Variants in MYO3B observed in about 807,000 individuals in gnomAD.
MYO3B encodes the protein myosin-IIIb.
In MYO3B, 156 loss-of-function variants were observed where a neutral mutation model predicts 174.6. The observed-to-expected ratio is 0.89, with a 90% CI of 0.78 to 1.02. MYO3B has a LOEUF of 1.02. Among genes scored for constraint, MYO3B ranks in the 50% least tolerant of loss-of-function variants. The probability of loss-of-function intolerance (pLI) is 0.00; values close to 1 mark genes in which losing one functional copy is unlikely to be tolerated. For synonymous variants in MYO3B, 563 were observed against 569.1 expected (o/e 0.99, Z 0.15); for missense variants, 1,632 against 1,639.4 (o/e 1.00, Z 0.08).
intron 7 of MYO3B, among the ~76,000 whole-genome samples, chr2:170,238,989 AC>A (rs1196031214): frequency 6.6e-6 from 1 of 152,208 alleles, no homozygotes; most frequent in Non-Finnish European, 1.5e-5. Flanking sequence ...CACAGAAATT[AC>A]CTGCTGATTG....
intron 32 of MYO3B, among the ~76,000 whole-genome samples, chr2:170,607,362 G>A (rs1487729747): frequency 6.6e-6 from 1 of 152,190 alleles, no homozygotes; most frequent in African/African-American, 2.4e-5. Flanking sequence ...ATACTACATG[G>A]GTCAGCTGCG....
At chr2:170,217,966 G>A (rs527905992) in intron 6 of MYO3B, among the ~76,000 whole-genome samples, 23 of 152,340 alleles carry the variant, frequency 1.5e-4, no homozygotes, top group African/African-American at 5.1e-4. Flanking sequence ...AGCTAGATGA[G>A]TCTTGCTCTG....
intron 32 of MYO3B, among the ~76,000 whole-genome samples, chr2:170,620,955 C>G (rs1306901293): frequency 1.3e-5 from 2 of 152,056 alleles, no homozygotes; most frequent in African/African-American, 4.8e-5. Context: ...GTGGCGGGAT[C>G]TCGGCTCACT....
At chr2:170,279,489 G>A (rs180782748) in intron 7 of MYO3B, among the ~76,000 whole-genome samples, 1 of 151,942 alleles carries the variant, frequency 6.6e-6, no homozygotes, top group East Asian at 1.9e-4. Flanking sequence ...TAGGTTCAGG[G>A]GTACATGTGA....
intron 32 of MYO3B, among the ~76,000 whole-genome samples, chr2:170,616,402 C>G (rs934961327): frequency 6.6e-6 from 1 of 152,192 alleles, no homozygotes; most frequent in Non-Finnish European, 1.5e-5. Context: ...TTCATAGGCT[C>G]TCTGCAGGGG....
chr2:170,200,018 T>A, intron 2 of MYO3B, 132 bp from the exon 3 acceptor site: 1 of 726,998 alleles, frequency 1.4e-6, no homozygotes, highest in South Asian at 2.5e-5. Flanking sequence ...TGTTAGATAT[T>A]TTGAAGGTAT....
At chr2:170,353,917 G>C (rs1169524759) in intron 8 of MYO3B, among the ~76,000 whole-genome samples, 3 of 152,142 alleles carry the variant, frequency 2.0e-5, no homozygotes, top group African/African-American at 7.2e-5. Flanking sequence ...AATGTCCTCA[G>C]CACAATAGAA....
intron 23 of MYO3B, among the ~76,000 whole-genome samples, chr2:170,458,594 T>A (rs1013878754): frequency 1.3e-5 from 2 of 152,246 alleles, no homozygotes; most frequent in African/African-American, 4.8e-5. Flanking sequence ...AATTAAATGA[T>A]GCTACTACTA....
chr2:170,641,875 G>C lies in MYO3B; in HGVS notation c.3734-9753G>C, dbSNP rs1266486260. 2.8e-4 allele frequency among the ~76,000 whole-genome samples: 26 copies of C among 92,780 alleles called. 4 individuals carry two copies. The highest frequency in any genetic ancestry group is 1.4e-3 in the African/African-American group (25 of 17,592). 60.9% of individuals were successfully genotyped at this position (92,780 alleles called of 152,430 possible). Reference sequence around the variant, plus strand: ...TTGTTAAGTGGGGGGGGGGGGGGAGGGGCGGGGAGCCATAACCCAAATTAA... The same window carrying C: ...TTGTTAAGTGGGGGGGGGGGGGGAGCGGCGGGGAGCCATAACCCAAATTAA... On this transcript the variant is annotated intron_variant, in intron 32 of 34. Transcript: ENST00000408978.
At chr2:170,267,893 G>A (rs1341714065) in intron 7 of MYO3B, among the ~76,000 whole-genome samples, 3 of 152,114 alleles carry the variant, frequency 2.0e-5, no homozygotes, top group African/African-American at 7.2e-5. Context: ...AATCCATGTT[G>A]TAGGGAAAAA....
chr2:170,261,332 C>T (rs1208486415), intron 7 of MYO3B, among the ~76,000 whole-genome samples: 1 of 152,150 alleles, frequency 6.6e-6, no homozygotes, highest in Non-Finnish European at 1.5e-5. Flanking sequence ...GCCAAGAATA[C>T]ATTTTTTCAA....
intron 7 of MYO3B, among the ~76,000 whole-genome samples, chr2:170,333,413 T>A (rs1278056208): frequency 2.0e-5 from 3 of 152,158 alleles, no homozygotes; most frequent in Admixed American, 6.5e-5. Context: ...GGGAAAAAAA[T>A]TTAACTGCTA....
chr2:170,198,469 G>C (rs867939710), intron 1 of MYO3B, among the ~76,000 whole-genome samples: 1 of 152,164 alleles, frequency 6.6e-6, no homozygotes, highest in Non-Finnish European at 1.5e-5. Context: ...CCTTCAGGAG[G>C]AAGGAACAAG....
At chr2:170,578,969 A>AT (rs1405750984) in intron 32 of MYO3B, among the ~76,000 whole-genome samples, 2 of 152,248 alleles carry the variant, frequency 1.3e-5, no homozygotes, top group Non-Finnish European at 2.9e-5. Context: ...TCACATTCTG[A>AT]TTAGTCTGTA....
chr2:170,428,767 A>T (rs1558992035), intron 22 of MYO3B, among the ~76,000 whole-genome samples: 3 of 152,334 alleles, frequency 2.0e-5, no homozygotes, highest in South Asian at 4.1e-4. Context: ...AAGGGTGTTC[A>T]TTATGGACAC....
At chr2:170,420,540 C>T (rs1189918506) in intron 22 of MYO3B, among the ~76,000 whole-genome samples, 1 of 152,136 alleles carries the variant, frequency 6.6e-6, no homozygotes, top group African/African-American at 2.4e-5. Context: ...GAGTGGGTGA[C>T]AGATTCTTGT....
intron 25 of MYO3B, among the ~76,000 whole-genome samples, chr2:170,480,021 C>A (rs1685583332): frequency 8.8e-6 from 1 of 114,206 alleles, no homozygotes; most frequent in South Asian, 3.2e-4. Context: ...TATATTAAAC[C>A]TATATATATG....
intron 8 of MYO3B, among the ~76,000 whole-genome samples, chr2:170,351,687 G>A (rs1393824313): frequency 6.6e-6 from 1 of 152,110 alleles, no homozygotes; most frequent in Non-Finnish European, 1.5e-5. Context: ...CTTTCAGTGA[G>A]CCTGCCAACT....
chr2:170,610,354 A>AAT (rs1559157338), intron 32 of MYO3B, among the ~76,000 whole-genome samples: 1 of 151,630 alleles, frequency 6.6e-6, no homozygotes, highest in Admixed American at 6.6e-5. Flanking sequence ...AAAAAAAAAA[A>AAT]TTTTATTTCT....
Sources: allele counts gnomAD v4.1 joint callset (sites outside exome capture counted in the v4.1 genomes callset), GRCh38; gene constraint gnomAD v4.1.1; transcripts MANE v1.5; gene names NCBI Gene and HGNC (gene_info 2026-07-23, HGNC 2026-07-21).